The following PDE3A variants were observed in gnomAD, a reference collection of about 807,000 sequenced individuals.
The protein encoded by PDE3A is phosphodiesterase 3A, also known as cGMP-inhibited 3',5'-cyclic phosphodiesterase 3A.
In PDE3A, 43 loss-of-function variants were observed where a neutral mutation model predicts 98.3. That is an observed-to-expected ratio of 0.44 (90% CI 0.34 to 0.56). The LOEUF is 0.56. PDE3A is among the 20% of genes least tolerant of loss of function. PDE3A has a pLI of 0.01. For missense variants in PDE3A, 1,427 were observed against 1,440.7 expected (o/e 0.99, Z 0.15); for synonymous variants, 663 against 567.9 (o/e 1.17, Z -2.38).
intron 2 of PDE3A, among the ~76,000 whole-genome samples, chr12:20,610,485 T>C (rs1943821911): frequency 6.6e-6 from 1 of 151,950 alleles, no homozygotes; most frequent in South Asian, 2.1e-4. Flanking sequence ...GAAAATAGTA[T>C]AACGGTTCTT....
At chr12:20,670,964 A>G (rs1945459683) in intron 15 of PDE3A, among the ~76,000 whole-genome samples, 2 of 124,048 alleles carry the variant, frequency 1.6e-5, no homozygotes, top group East Asian at 4.7e-4. Flanking sequence ...AGACTAATAA[A>G]GAAAAAAAGA....
At chr12:20,475,729 A>T (rs562332838) in intron 1 of PDE3A, among the ~76,000 whole-genome samples, 1 of 152,152 alleles carries the variant, frequency 6.6e-6, no homozygotes, top group South Asian at 2.1e-4. Flanking sequence ...ACACACACAC[A>T]CACACATACA....
At chr12:20,469,857 AAC>A (rs1945406005) in intron 1 of PDE3A, among the ~76,000 whole-genome samples, 1 of 152,222 alleles carries the variant, frequency 6.6e-6, no homozygotes, top group African/African-American at 2.4e-5. Context: ...AACTGTAAAT[AAC>A]ACTTTAGTTC....
chr12:20,465,024 T>G (rs1047045883), intron 1 of PDE3A, among the ~76,000 whole-genome samples: 4 of 152,226 alleles, frequency 2.6e-5, no homozygotes, highest in Non-Finnish European at 5.9e-5. Flanking sequence ...ATTAGAAGTT[T>G]AGCCGTTGTG....
rs370549460 is a variant in PDE3A, at chr12:20,685,139, G to A, written c.*4868G>A. Among the ~76,000 whole-genome samples the A allele has an allele frequency of 7.2e-5, 11 of 152,244 alleles. No individual in the cohort carries two copies. Among genetic ancestry groups the A allele is most frequent in the South Asian group, 2.1e-4 (1 of 4,830 alleles). On this transcript the variant is annotated 3_prime_UTR_variant, in exon 16 of 16. Transcript: ENST00000359062. ...TAAAATGAACATTTTTGGGCCGGGC[G>A]CAGTGGCTCACGCCTGTAATCCCAG...
At chr12:20,423,057 T>C (rs1944546218) in intron 1 of PDE3A, among the ~76,000 whole-genome samples, 1 of 152,190 alleles carries the variant, frequency 6.6e-6, no homozygotes, top group African/African-American at 2.4e-5. Flanking sequence ...ATTTTTGGAT[T>C]ATATAGTACC....
intron 5 of PDE3A, among the ~76,000 whole-genome samples, chr12:20,623,985 A>C (rs1038097823): frequency 1.3e-5 from 2 of 152,156 alleles, no homozygotes; most frequent in African/African-American, 4.8e-5. Flanking sequence ...TAAGGACAGA[A>C]CTAAAATTTC....
Position 20,680,109 on chromosome 12 carries a change from A to T in PDE3A, c.3264A>T (p.Lys1088Asn). Residue 1088 changes from lysine to asparagine, a missense_variant, in exon 16 of 16, where the codon AAA becomes AAT. Lys to Asn is a moderately conservative substitution (Grantham distance 94, BLOSUM62 0). Coordinates refer to ENST00000359062, the MANE Select transcript of PDE3A (RefSeq NM_000921.5). ...HLLQNHKMWKKVIEEEQRLAG... is the reference protein window; with the variant it reads ...HLLQNHKMWKNVIEEEQRLAG... ...TACAGAACCACAAGATGTGGAAGAAAGTCATTGAAGAGGAGCAACGGTTGG... is the reference window on the plus strand; with the variant it reads ...TACAGAACCACAAGATGTGGAAGAATGTCATTGAAGAGGAGCAACGGTTGG... 1 of 1,613,418 alleles carries T rather than the reference A, an allele frequency of 6.2e-7. No individual in the cohort carries two copies. The highest frequency in any genetic ancestry group is 8.5e-7 in the Non-Finnish European group (1 of 1,179,400).
At position 20,479,798 on chromosome 12, in the gene PDE3A, C is replaced by A. The variant is rs556655827; in HGVS notation, c.961-76862C>A. Among the ~76,000 whole-genome samples, 3 of 152,248 alleles carry A rather than the reference C, an allele frequency of 2.0e-5. No individual in the cohort carries two copies. The South Asian group carries it at 6.2e-4, about 32-fold the overall frequency. ...CTCATTGCTCGAAATCTTCTATGAA[C>A]TCCTGTAAGTTCAGATGTTAATAGC... On this transcript the variant is annotated intron_variant, in intron 1 of 15. Coordinates refer to ENST00000359062, the MANE Select transcript of PDE3A (RefSeq NM_000921.5).
chr12:20,415,532 G>T (rs1477128356), intron 1 of PDE3A, among the ~76,000 whole-genome samples: 1 of 151,892 alleles, frequency 6.6e-6, no homozygotes. Context: ...CCGTCTCCTG[G>T]GTTCAAGCGA....
intron 15 of PDE3A, among the ~76,000 whole-genome samples, chr12:20,663,761 T>A (rs752199553): frequency 6.6e-6 from 1 of 152,162 alleles, no homozygotes; most frequent in Non-Finnish European, 1.5e-5. Flanking sequence ...TTGTCTCAGA[T>A]GAGACCTTGG....
At chr12:20,464,803 G>A (rs1368033940) in intron 1 of PDE3A, among the ~76,000 whole-genome samples, 1 of 152,108 alleles carries the variant, frequency 6.6e-6, no homozygotes, top group African/African-American at 2.4e-5. Context: ...CAAAGAAGTT[G>A]TGGTCTTTGT....
At chr12:20,440,488 CT>C (rs529566559) in intron 1 of PDE3A, among the ~76,000 whole-genome samples, 1 of 152,102 alleles carries the variant, frequency 6.6e-6, no homozygotes, top group East Asian at 1.9e-4. Context: ...TAGGCTGTAT[CT>C]TTTTCACGTT....
chr12:20,423,821 T>G (rs1944561768), intron 1 of PDE3A, among the ~76,000 whole-genome samples: 2 of 152,246 alleles, frequency 1.3e-5, no homozygotes, highest in Admixed American at 1.3e-4. Context: ...TCATATGCAC[T>G]TCTACCCAAA....
chr12:20,392,923 T>C (rs1943945019), intron 1 of PDE3A, among the ~76,000 whole-genome samples: 2 of 151,864 alleles, frequency 1.3e-5, no homozygotes, highest in African/African-American at 2.4e-5. Context: ...GCCTAAAAAG[T>C]GGATCTTGTG....
intron 1 of PDE3A, among the ~76,000 whole-genome samples, chr12:20,421,627 C>T (rs1315770466): frequency 1.3e-5 from 2 of 150,470 alleles, no homozygotes; most frequent in Non-Finnish European, 3.0e-5. Context: ...CACCCATGCT[C>T]ACTTTTGTGC....
At chr12:20,641,709 T>A (rs1944651173) in intron 10 of PDE3A, among the ~76,000 whole-genome samples, 1 of 152,160 alleles carries the variant, frequency 6.6e-6, no homozygotes, top group Non-Finnish European at 1.5e-5. Context: ...AAAAATAAGT[T>A]TTCAGATTCT....
intron 1 of PDE3A, among the ~76,000 whole-genome samples, chr12:20,527,063 C>T (rs1035800232): frequency 4.0e-5 from 6 of 151,850 alleles, no homozygotes; most frequent in Middle Eastern, 3.2e-3. Flanking sequence ...GGATTACAGG[C>T]GCCTGCTGCC....
At chr12:20,665,798 G>A (rs1295552175) in intron 15 of PDE3A, among the ~76,000 whole-genome samples, 2 of 151,838 alleles carry the variant, frequency 1.3e-5, no homozygotes, top group African/African-American at 4.8e-5. Flanking sequence ...GTTTTCATTT[G>A]CATTTCCCTG....
Sources: allele counts gnomAD v4.1 joint callset (sites outside exome capture counted in the v4.1 genomes callset), GRCh38; gene constraint gnomAD v4.1.1; transcripts MANE v1.5; gene names NCBI Gene and HGNC (gene_info 2026-07-23, HGNC 2026-07-21).